The following EPCIP variants were observed in gnomAD, a reference collection of about 807,000 sequenced individuals.
EPCIP encodes the protein exosomal polycystin 1 interacting protein.
At chr21:32,806,960 A>G in the EPCIP span, among the ~76,000 whole-genome samples, 2 of 152,324 alleles carry the variant, frequency 1.3e-5, no homozygotes, top group South Asian at 2.1e-4. Context: ...ATGGTGGCAG[A>G]CAAGAGAAGA....
chr21:32,800,771 G>A, the EPCIP span, among the ~76,000 whole-genome samples: 13 of 151,528 alleles, frequency 8.6e-5, no homozygotes, highest in South Asian at 1.7e-3. Flanking sequence ...AGCTGAGATC[G>A]CGCCATTGCA....
chr21:32,812,950 A>G, the EPCIP span, among the ~76,000 whole-genome samples: 1 of 152,182 alleles, frequency 6.6e-6, no homozygotes, highest in Non-Finnish European at 1.5e-5. Context: ...ATTTTTTAAA[A>G]ACACGAACTA....
the EPCIP span, chr21:32,796,835 A>G: frequency 3.0e-5 from 11 of 366,504 alleles, no homozygotes; most frequent in East Asian, 8.7e-4. Context: ...AATGCTGTCA[A>G]TACTGTTGGC....
chr21:32,800,874 G>T, the EPCIP span, among the ~76,000 whole-genome samples: 1 of 152,012 alleles, frequency 6.6e-6, no homozygotes, highest in African/African-American at 2.4e-5. Context: ...GAAAAATTTG[G>T]ATGTGTAGAC....
At chr21:32,793,647 G>A in the EPCIP span, 24 of 914,064 alleles carry the variant, frequency 2.6e-5, no homozygotes, top group East Asian at 4.8e-5. Context: ...TGGAGCCTGC[G>A]GAGAGAGGCA....
At chr21:32,793,873 T>C in the EPCIP span, 2 of 1,614,138 alleles carry the variant, frequency 1.2e-6, no homozygotes, top group Non-Finnish European at 1.7e-6. Context: ...CAATACTATA[T>C]GATTTTAAGG....
the EPCIP span, among the ~76,000 whole-genome samples, chr21:32,794,952 A>G: frequency 6.6e-6 from 1 of 152,184 alleles, no homozygotes; most frequent in Non-Finnish European, 1.5e-5. Context: ...GGAGACAAAC[A>G]CTTCTTTGTT....
chr21:32,808,407 G>A, the EPCIP span, among the ~76,000 whole-genome samples: 1,127 of 152,108 alleles, frequency 7.4e-3, 12 homozygotes, highest in African/African-American at 0.026. Flanking sequence ...TTATATTCCC[G>A]TAAAGTACCT....
the EPCIP span, chr21:32,794,030 G>T: frequency 4.3e-6 from 7 of 1,614,140 alleles, no homozygotes; most frequent in Non-Finnish European, 5.1e-6. Context: ...GGGATGCTTG[G>T]CCTCCATGTT....
chr21:32,807,491 C>T, the EPCIP span, among the ~76,000 whole-genome samples: 16 of 152,086 alleles, frequency 1.1e-4, no homozygotes, highest in African/African-American at 3.4e-4. Context: ...TGCCACCACA[C>T]CCGGCTAATT....
the EPCIP span, among the ~76,000 whole-genome samples, chr21:32,804,312 A>G: frequency 6.9e-6 from 1 of 145,578 alleles, no homozygotes; most frequent in African/African-American, 2.7e-5. Flanking sequence ...GTACTATATT[A>G]TTTATTTATT....
At chr21:32,811,134 C>T in the EPCIP span, among the ~76,000 whole-genome samples, 5 of 151,642 alleles carry the variant, frequency 3.3e-5, no homozygotes, top group Non-Finnish European at 7.4e-5. Context: ...ATGGCCCCCC[C>T]TCCCCTTTTT....
chr21:32,813,693 C>T, the EPCIP span: 3 of 471,170 alleles, frequency 6.4e-6, no homozygotes, highest in South Asian at 3.1e-5. Context: ...ATCTGCAAGC[C>T]AGGGTGGAAT....
the EPCIP span, chr21:32,793,720 A>T: frequency 3.8e-6 from 6 of 1,584,160 alleles, no homozygotes; most frequent in Non-Finnish European, 5.2e-6. Flanking sequence ...CAAATTATTC[A>T]TCATTTGCCA....
chr21:32,803,882 G>A, the EPCIP span, among the ~76,000 whole-genome samples: 1 of 152,156 alleles, frequency 6.6e-6, no homozygotes, highest in Non-Finnish European at 1.5e-5. Context: ...GTCTCTGTGG[G>A]TGAAGATCAC....
At chr21:32,795,864 G>A in the EPCIP span, among the ~76,000 whole-genome samples, 16 of 152,338 alleles carry the variant, frequency 1.1e-4, no homozygotes, top group East Asian at 2.7e-3. Flanking sequence ...GCTCTGCCGC[G>A]TAAACTTGAA....
the EPCIP span, among the ~76,000 whole-genome samples, chr21:32,811,255 C>T: frequency 1.2e-4 from 18 of 152,144 alleles, no homozygotes; most frequent in South Asian, 1.5e-3. Context: ...CTCAACCTCC[C>T]GAGTAGTTGG....
chr21:32,796,664 A>G, the EPCIP span, among the ~76,000 whole-genome samples: 3 of 152,242 alleles, frequency 2.0e-5, no homozygotes, highest in African/African-American at 7.2e-5. Flanking sequence ...GAGGCTTAAC[A>G]GTCTTAAGCA....
At chr21:32,796,274 G>A in the EPCIP span, among the ~76,000 whole-genome samples, 5 of 152,190 alleles carry the variant, frequency 3.3e-5, no homozygotes, top group African/African-American at 1.2e-4. Flanking sequence ...GGGAGGAGGC[G>A]AGAGGAGGGG....
Sources: gnomAD v4.1 joint callset for allele counts (sites outside exome capture counted in the v4.1 genomes callset) on GRCh38, gnomAD v4.1.1 for gene constraint, MANE v1.5 for transcripts, NCBI Gene and HGNC (gene_info 2026-07-23, HGNC 2026-07-21) for gene names.